Variants in GLRA2 observed in about 807,000 individuals in gnomAD.
GLRA2 encodes glycine receptor subunit alpha-2.
GLRA2 carries 11 observed loss-of-function variants against 31.6 expected under a neutral mutation model. That is an observed-to-expected ratio of 0.35 (90% CI 0.22 to 0.58). The LOEUF (loss-of-function observed/expected upper bound fraction) is 0.58. GLRA2 is among the 20% of genes least tolerant of loss of function. The pLI, the probability that GLRA2 is intolerant of heterozygous loss-of-function variation, is 0.84. For missense variants in GLRA2, 212 were observed against 351.8 expected (o/e 0.60, Z 3.18); for synonymous variants, 132 against 134.0 (o/e 0.99, Z 0.10).
intron 4 of GLRA2, among the ~76,000 whole-genome samples, chrX:14,587,909 T>A (rs1323349756): frequency 9.1e-6 from 1 of 110,358 alleles, no homozygotes; most frequent in East Asian, 2.8e-4. Flanking sequence ...TCTAGGATTT[T>A]TTTTTTTTTT....
chrX:14,490,946 A>T, the GLRA2 span, among the ~76,000 whole-genome samples: 1 of 111,850 alleles, frequency 8.9e-6, no homozygotes, highest in African/African-American at 3.3e-5. Context: ...TACTAACAGC[A>T]TCTGACCAAT....
chrX:14,493,026 T>C, the GLRA2 span, among the ~76,000 whole-genome samples: 45 of 111,285 alleles, frequency 4.0e-4, no homozygotes, highest in Non-Finnish European at 7.9e-4. Context: ...ATCCCATTCA[T>C]GAGGACTCTG....
At chrX:14,602,124 A>G (rs1276131590) in intron 4 of GLRA2, among the ~76,000 whole-genome samples, 1 of 111,516 alleles carries the variant, frequency 9.0e-6, no homozygotes, top group African/African-American at 3.3e-5. Flanking sequence ...CTCAATCCTA[A>G]TTTCCTTCCT....
chrX:14,660,086 A>G (rs1010251981), intron 7 of GLRA2, among the ~76,000 whole-genome samples: 4 of 111,908 alleles, frequency 3.6e-5, no homozygotes, highest in Non-Finnish European at 5.6e-5. Context: ...AGTAATATAT[A>G]CAACAAATAA....
the GLRA2 span, among the ~76,000 whole-genome samples, chrX:14,461,226 A>G: frequency 7.1e-5 from 8 of 111,917 alleles, no homozygotes; most frequent in East Asian, 2.2e-3. Flanking sequence ...GACAGTTGTG[A>G]TTTCTGTTCT....
chrX:14,523,421 CATTT>C, the GLRA2 span, among the ~76,000 whole-genome samples: 3 of 112,230 alleles, frequency 2.7e-5, no homozygotes, highest in African/African-American at 9.7e-5. Context: ...ACTTTCTTAA[CATTT>C]ATGTGTTCCC....
chrX:14,470,879 C>T, the GLRA2 span, among the ~76,000 whole-genome samples: 20 of 111,855 alleles, frequency 1.8e-4, no homozygotes, highest in East Asian at 1.4e-3. Flanking sequence ...ACTGCAGAGG[C>T]GTTTTATTGA....
At position 14,553,584 on chromosome X, in the gene GLRA2, T is replaced by C. The variant is rs191358032; in HGVS notation, c.203-20749T>C. 2.7e-5 allele frequency among the ~76,000 whole-genome samples: 3 copies of C among 111,795 alleles called. No homozygotes were observed. The East Asian group carries it at 8.5e-4, about 32-fold the overall frequency. ...CAGGAGCTTACAAGGCATCAGTGTC[T>C]GTGTCTTTCCCATATCCCCGGTCCC... On this transcript the variant is annotated intron_variant, in intron 2 of 8. Transcript: ENST00000218075.
chrX:14,559,999 G>A lies in GLRA2; in HGVS notation c.203-14334G>A, dbSNP rs768854739. 1.3e-4 allele frequency among the ~76,000 whole-genome samples: 14 copies of A among 111,347 alleles called. No individual in the cohort carries two copies. In the South Asian group the frequency reaches 4.2e-3, roughly 34 times the overall value. On this transcript the variant is annotated intron_variant, in intron 2 of 8. Coordinates refer to ENST00000218075, the MANE Select transcript of GLRA2 (RefSeq NM_002063.4). ...CATGGGCATCAAAGCACCATGCAAC[G>A]CAGGAAGCCATAATAAGAAACAGTG... is the stretch of plus-strand genomic sequence containing the variant.
chrX:14,454,515 T>C, the GLRA2 span, among the ~76,000 whole-genome samples: 1 of 110,088 alleles, frequency 9.1e-6, no homozygotes, highest in South Asian at 3.9e-4. Flanking sequence ...TTTTTATGCG[T>C]AAGTTCATTG....
At chrX:14,488,894 A>G in the GLRA2 span, among the ~76,000 whole-genome samples, 1 of 111,551 alleles carries the variant, frequency 9.0e-6, no homozygotes, top group African/African-American at 3.3e-5. Flanking sequence ...TTTTTTCCCC[A>G]ATTATTTATT....
intron 4 of GLRA2, among the ~76,000 whole-genome samples, chrX:14,600,905 G>GA (rs745478028): frequency 8.2e-5 from 9 of 109,311 alleles, no homozygotes; most frequent in Admixed American, 2.9e-4. Flanking sequence ...TTGAAAAATA[G>GA]AAAAAAAATA....
At chrX:14,591,586 CCTAG>C (rs1424800149) in intron 4 of GLRA2, among the ~76,000 whole-genome samples, 1 of 111,983 alleles carries the variant, frequency 8.9e-6, no homozygotes, top group African/African-American at 3.2e-5. Context: ...AGATGATGTG[CCTAG>C]CCAGATTGAG....
At position 14,684,792 on chromosome X, in the gene GLRA2, T is replaced by C. The variant is rs1355419851; in HGVS notation, c.931-5918T>C. ...ACAATTTGACTTCCTCTTTTCCTAA[T>C]TGAAAGCCCTTTATTTCCTTCTCCT... On this transcript the variant is annotated intron_variant, in intron 7 of 8. Transcript: ENST00000218075. 2.6e-4 allele frequency among the ~76,000 whole-genome samples: 29 copies of C among 111,559 alleles called. No individual in the cohort carries two copies. The Admixed American group carries it at 2.8e-3, about 11-fold the overall frequency.
chrX:14,705,306 C>A (rs2091605115), intron 8 of GLRA2, among the ~76,000 whole-genome samples: 1 of 111,565 alleles, frequency 9.0e-6, no homozygotes, highest in South Asian at 3.8e-4. Context: ...TGGTTCTCAG[C>A]CAGGAGCTAT....
intron 7 of GLRA2, among the ~76,000 whole-genome samples, chrX:14,644,968 T>C (rs2090814392): frequency 1.8e-5 from 2 of 112,170 alleles, no homozygotes; most frequent in African/African-American, 6.5e-5. Flanking sequence ...TTGTAAATGC[T>C]GTTCACGGTT....
At chrX:14,560,923 A>G (rs1395988224) in intron 2 of GLRA2, among the ~76,000 whole-genome samples, 2 of 111,135 alleles carry the variant, frequency 1.8e-5, no homozygotes, top group African/African-American at 6.6e-5. Flanking sequence ...GTTTTAAAAT[A>G]TAGTCATTAT....
At chrX:14,462,808 G>T in the GLRA2 span, among the ~76,000 whole-genome samples, 2 of 111,699 alleles carry the variant, frequency 1.8e-5, no homozygotes, top group Admixed American at 9.5e-5. Context: ...TTAGCTCAGA[G>T]AAGTTTTTTA....
chrX:14,468,213 T>C, the GLRA2 span, among the ~76,000 whole-genome samples: 1 of 112,266 alleles, frequency 8.9e-6, no homozygotes, highest in African/African-American at 3.2e-5. Flanking sequence ...AATATTTGCA[T>C]TTCAATGCCA....
Sources: allele counts gnomAD v4.1 joint callset (sites outside exome capture counted in the v4.1 genomes callset), GRCh38; gene constraint gnomAD v4.1.1; transcripts MANE v1.5; gene names NCBI Gene and HGNC (gene_info 2026-07-23, HGNC 2026-07-21).